The following SETBP1 variants were observed in gnomAD, a reference collection of about 807,000 sequenced individuals.
SETBP1 encodes the protein SET binding protein 1, also known as SET-binding protein.
Under a neutral mutation model 101.0 loss-of-function variants are expected in SETBP1, and 9 were observed. The ratio of observed to expected loss-of-function variants is 0.09; its 90% CI spans 0.05 to 0.16. The LOEUF (loss-of-function observed/expected upper bound fraction) is 0.16. Among genes scored for constraint, SETBP1 ranks in the 10% least tolerant of loss-of-function variants. The probability of loss-of-function intolerance (pLI) is 1.00; values close to 1 mark genes in which losing one functional copy is unlikely to be tolerated. For missense variants in SETBP1, 1,858 were observed against 2,033.8 expected (o/e 0.91, Z 1.66); for synonymous variants, 818 against 788.5 (o/e 1.04, Z -0.63).
rs1448244678 is a variant in SETBP1, at chr18:44,893,849, A to C, written c.540+24566A>C. ...ACCTATTTGTGTGTGTGTGTACAGA[A>C]TATGATGAAAAGTGTATCTCTTATC... On this transcript the variant is annotated intron_variant, in intron 3 of 5. Transcript: ENST00000649279. 3.3e-5 allele frequency among the ~76,000 whole-genome samples: 5 copies of C among 152,264 alleles called. No homozygotes were observed. In the East Asian group the frequency reaches 9.7e-4, roughly 29 times the overall value.
At chr18:44,851,842 G>A (rs1283157266) in intron 2 of SETBP1, among the ~76,000 whole-genome samples, 3 of 152,114 alleles carry the variant, frequency 2.0e-5, no homozygotes, top group Non-Finnish European at 4.4e-5. Context: ...GGCCTCTCTG[G>A]GGACCTCCTC....
At position 45,065,922 on chromosome 18, in the gene SETBP1, C is replaced by G. The variant is rs1442411644; in HGVS notation, c.*2224C>G. ...ATTAGTCCCTCTCACCCCACCATTG[C>G]TATAAAACAGCAACGTTTTCATTCC... On this transcript the variant is annotated 3_prime_UTR_variant, in exon 6 of 6. Coordinates refer to ENST00000649279, the MANE Select transcript of SETBP1 (RefSeq NM_015559.3). The G allele has an allele frequency of 2.0e-5, 3 of 152,180 alleles. No homozygotes were observed. The highest frequency in any genetic ancestry group is 7.2e-5 in the African/African-American group (3 of 41,450). 9.4% of individuals were successfully genotyped at this position (152,180 alleles called of 1,614,324 possible).
intron 1 of SETBP1, among the ~76,000 whole-genome samples, chr18:44,694,438 C>T (rs1245536426): frequency 1.3e-5 from 2 of 152,242 alleles, no homozygotes; most frequent in African/African-American, 4.8e-5. Context: ...TCTCGAACTC[C>T]TGACCTCAGG....
At chr18:44,835,267 G>A (rs889494122) in intron 2 of SETBP1, among the ~76,000 whole-genome samples, 6 of 152,084 alleles carry the variant, frequency 3.9e-5, no homozygotes, top group Non-Finnish European at 5.9e-5. Flanking sequence ...CTTGCATCTC[G>A]AAGAGGCCCT....
Position 44,773,838 on chromosome 18 carries a change from ATGTGTG to A in SETBP1, c.486+72034_486+72039del, listed in dbSNP as rs61649185. The stretch of plus-strand genomic sequence containing the variant: ...TCTCTCTCTCTGTCTCTCTCTGTTT[ATGTGTG>A]TGTGTGTGTGTGTGTGTGTGTGTGT... On this transcript the variant is annotated intron_variant, in intron 2 of 5. Coordinates refer to ENST00000649279, the MANE Select transcript of SETBP1 (RefSeq NM_015559.3). Among the ~76,000 whole-genome samples, 1,057 of 134,274 alleles carry A rather than the reference ATGTGTG, an allele frequency of 7.9e-3. 19 individuals are homozygous for A. Among genetic ancestry groups the A allele is most frequent in the African/African-American group, 0.028 (993 of 35,528 alleles). 88.1% of individuals were successfully genotyped at this position (134,274 alleles called of 152,430 possible).
In SETBP1 at chr18:44,741,051, A is replaced by G. The variant is rs568545682; in HGVS notation, c.486+39219A>G. Among the ~76,000 whole-genome samples, 3 of 152,376 alleles carry G rather than the reference A, an allele frequency of 2.0e-5. No homozygotes were observed. The East Asian group carries it at 5.8e-4, about 29-fold the overall frequency. On this transcript the variant is annotated intron_variant, in intron 2 of 5. Coordinates refer to ENST00000649279, the MANE Select transcript of SETBP1 (RefSeq NM_015559.3). ...TTATAATTAACTGGCCCAGAGGGCT[A>G]GAGGAAGCAAATGAACAAACAAAAA...
intron 2 of SETBP1, among the ~76,000 whole-genome samples, chr18:44,708,488 A>G (rs1289546778): frequency 6.6e-6 from 1 of 152,192 alleles, no homozygotes; most frequent in African/African-American, 2.4e-5. Context: ...TATTCATTAG[A>G]ATGCCTGGAA....
At chr18:44,935,157 T>C (rs1313109098) in intron 3 of SETBP1, among the ~76,000 whole-genome samples, 2 of 152,190 alleles carry the variant, frequency 1.3e-5, no homozygotes, top group African/African-American at 4.8e-5. Context: ...CAGAGGGGAC[T>C]TACACTAAAT....
chr18:44,872,664 T>C (rs1009782825), intron 3 of SETBP1, among the ~76,000 whole-genome samples: 3 of 152,254 alleles, frequency 2.0e-5, no homozygotes, highest in Admixed American at 1.3e-4. Context: ...TTTATTTACT[T>C]TTATTTCTCA....
intron 2 of SETBP1, among the ~76,000 whole-genome samples, chr18:44,850,266 C>T (rs1007966481): frequency 2.6e-5 from 4 of 152,254 alleles, no homozygotes; most frequent in Non-Finnish European, 5.9e-5. Flanking sequence ...AGAGATTAGA[C>T]TTCCCCTTCA....
At chr18:45,035,948 C>CA (rs2073387682) in intron 4 of SETBP1, among the ~76,000 whole-genome samples, 1 of 152,196 alleles carries the variant, frequency 6.6e-6, no homozygotes, top group Non-Finnish European at 1.5e-5. Flanking sequence ...TGCCCATAGG[C>CA]TTCTGGATAT....
intron 2 of SETBP1, among the ~76,000 whole-genome samples, chr18:44,863,105 T>A (rs1213070307): frequency 3.9e-5 from 6 of 152,188 alleles, no homozygotes; most frequent in Non-Finnish European, 8.8e-5. Context: ...TATTTTCCAA[T>A]TTCCAGATTT....
chr18:44,684,886 A>G (rs2068812065), intron 1 of SETBP1, among the ~76,000 whole-genome samples: 1 of 152,106 alleles, frequency 6.6e-6, no homozygotes, highest in Non-Finnish European at 1.5e-5. Flanking sequence ...ACATCAGGTG[A>G]TCCACCTGTC....
intron 5 of SETBP1, among the ~76,000 whole-genome samples, chr18:45,047,402 A>G (rs986178109): frequency 1.3e-5 from 2 of 152,176 alleles, no homozygotes; most frequent in Non-Finnish European, 2.9e-5. Flanking sequence ...ATATTTTATG[A>G]TCAGTTTTGA....
chr18:44,680,659 A>T (rs1206139928), upstream of SETBP1, among the ~76,000 whole-genome samples: 1 of 151,638 alleles, frequency 6.6e-6, no homozygotes, highest in African/African-American at 2.4e-5. Context: ...GCTCAATTGG[A>T]GTGGCTCGTT....
intron 2 of SETBP1, among the ~76,000 whole-genome samples, chr18:44,848,072 GGTGTGTGTGTGTGTGTGT>G (rs4024595): frequency 6.7e-6 from 1 of 148,530 alleles, no homozygotes; most frequent in Non-Finnish European, 1.5e-5. Context: ...ACTCTCTGAA[GGTGTGTGTGTGTGTGTGT>G]GTGTGTGTGT....
intron 2 of SETBP1, among the ~76,000 whole-genome samples, chr18:44,776,836 G>C (rs181480519): frequency 6.6e-6 from 1 of 152,184 alleles, no homozygotes; most frequent in Non-Finnish European, 1.5e-5. Flanking sequence ...TTAATACTTC[G>C]TGTAGGATCA....
At chr18:44,922,273 G>A (rs1205004024) in intron 3 of SETBP1, among the ~76,000 whole-genome samples, 2 of 152,138 alleles carry the variant, frequency 1.3e-5, no homozygotes, top group African/African-American at 4.8e-5. Context: ...TTTATATATA[G>A]GCAAATAGAG....
At chr18:44,761,550 A>G (rs1257702960) in intron 2 of SETBP1, among the ~76,000 whole-genome samples, 1 of 152,242 alleles carries the variant, frequency 6.6e-6, no homozygotes, top group Non-Finnish European at 1.5e-5. Context: ...TGATCCTAAC[A>G]TTCTTTACAG....
Sources: allele counts gnomAD v4.1 joint callset (sites outside exome capture counted in the v4.1 genomes callset), GRCh38; gene constraint gnomAD v4.1.1; transcripts MANE v1.5; gene names NCBI Gene and HGNC (gene_info 2026-07-23, HGNC 2026-07-21).